XKR5: variants seen among roughly 807,000 people sequenced by gnomAD.
The protein encoded by XKR5 is XK related 5.
A neutral mutation model predicts 40.8 loss-of-function variants in XKR5; 46 were observed. That is an observed-to-expected ratio of 1.13 (90% CI 0.89 to 1.44). XKR5 has a LOEUF of 1.44. Ranked by LOEUF, XKR5 falls within the 40% of genes most tolerant of loss-of-function variation. XKR5 has a pLI of 0.00. For missense variants in XKR5, 1,169 were observed against 844.7 expected (o/e 1.38, Z -4.76); for synonymous variants, 466 against 356.1 (o/e 1.31, Z -3.48).
chr8:6,832,993 T>C, intron 1 of XKR5, 93 bp from the exon 2 acceptor site: 1 of 1,179,042 alleles, frequency 8.5e-7, no homozygotes, highest in Non-Finnish European at 1.1e-6. Flanking sequence ...TTCTGGATGT[T>C]ATGATGTTCT....
At chr8:6,821,773 T>C (rs1050971894) in intron 5 of XKR5, 96 bp downstream of exon 5, 24 of 1,069,278 alleles carry the variant, frequency 2.2e-5, no homozygotes, top group Non-Finnish European at 2.5e-5. Flanking sequence ...TAGGTGTGCA[T>C]TGGTGCACAC....
chr8:6,833,851 C>G (rs2117126361), intron 1 of XKR5, among the ~76,000 whole-genome samples: 1 of 152,336 alleles, frequency 6.6e-6, no homozygotes, highest in East Asian at 1.9e-4. Flanking sequence ...TCAGGGCTTT[C>G]CAGAGCTGTT....
At chr8:6,825,782 AG>A (rs1348502905) in intron 2 of XKR5, among the ~76,000 whole-genome samples, 4 of 152,196 alleles carry the variant, frequency 2.6e-5, no homozygotes, top group Non-Finnish European at 5.9e-5. Context: ...GACAAAAAGT[AG>A]AAAAAACCCT....
chr8:6,832,422 G>C (rs944261234), intron 2 of XKR5, among the ~76,000 whole-genome samples: 2 of 152,144 alleles, frequency 1.3e-5, no homozygotes, highest in Non-Finnish European at 2.9e-5. Flanking sequence ...TGGAACTAAC[G>C]GCTCAACCAA....
At chr8:6,817,880 G>T (rs1421658470) in intron 5 of XKR5, among the ~76,000 whole-genome samples, 1 of 152,170 alleles carries the variant, frequency 6.6e-6, no homozygotes, top group Non-Finnish European at 1.5e-5. Flanking sequence ...TGAGAAATTT[G>T]TTTCTGCTCC....
chr8:6,821,936 A>G lies in XKR5; in HGVS notation c.740T>C (p.Val247Ala). ...GAAGCTGAGGTAGCAGAGGATGTAC[A>G]CGGCCCCCACGAGCAGGTTGAACAG... ...WRLFNLLVGA[V>A]YILCYLSFWD... is the part of the protein sequence containing the mutation. The change falls in exon 5 of 7, where the codon GTG becomes GCG. Residue 247 changes from valine (V) to alanine (A), a missense_variant. By Grantham distance (64) the Val-to-Ala change is moderately conservative (BLOSUM62 0). Coordinates refer to ENST00000618742, the MANE Select transcript of XKR5 (RefSeq NM_207411.5). The G allele has an allele frequency of 6.2e-7, 1 of 1,613,158 alleles. No homozygotes were observed. Among genetic ancestry groups the G allele is most frequent in the Non-Finnish European group, 8.5e-7 (1 of 1,179,538 alleles).
At position 6,811,632 on chromosome 8, in the gene XKR5, A is replaced by G; in HGVS notation, c.1627T>C (p.Tyr543His). 1 of 1,537,456 alleles carries G rather than the reference A, an allele frequency of 6.5e-7. No individual in the cohort carries two copies. The highest frequency in any genetic ancestry group is 8.7e-7 in the Non-Finnish European group (1 of 1,146,958). ...GGEGQQSSTL[Y>H]FSATAEVATS... The stretch of plus-strand genomic sequence containing the variant: ...GCCACTTCTGCAGTGGCGCTGAAGT[A>G]CAACGTGGAACTCTGCTGTCCTTCC... The change falls in exon 7 of 7, where the codon TAC becomes CAC. Residue 543 changes from tyrosine (Y) to histidine (H), a missense_variant. Physicochemically the swap from Tyr to His is moderately conservative, Grantham distance 83. Coordinates refer to ENST00000618742, the MANE Select transcript of XKR5 (RefSeq NM_207411.5).
Position 6,816,018 on chromosome 8 carries a change from T to A in XKR5, c.808-100A>T, listed in dbSNP as rs975797431. 3 of 832,038 alleles carry A rather than the reference T, an allele frequency of 3.6e-6. No individual in the cohort carries two copies. The Admixed American group carries it at 6.5e-5, about 18-fold the overall frequency. 51.5% of individuals were successfully genotyped at this position (832,038 alleles called of 1,614,324 possible). A position where few individuals can be genotyped will look rare whatever the true frequency, so the allele number is the denominator to read the frequency against. ...CAGCGGCTCCCCCTCCCCTCCATCC[T>A]GAGTGCCCACTGGAGACTCCAGGCT... On this transcript the variant is annotated intron_variant, in intron 5 of 6. Transcript: ENST00000618742.
chr8:6,813,584 C>A (rs967210719), intron 6 of XKR5, among the ~76,000 whole-genome samples: 3 of 152,168 alleles, frequency 2.0e-5, no homozygotes, highest in Non-Finnish European at 4.4e-5. Context: ...AATTTGGGTT[C>A]AATCTTCCTG....
intron 5 of XKR5, among the ~76,000 whole-genome samples, chr8:6,817,501 C>G (rs574193596): frequency 1.6e-4 from 24 of 152,058 alleles, no homozygotes; most frequent in Admixed American, 3.9e-4. Flanking sequence ...TTCCCCTTAC[C>G]TCCCCACACC....
Position 6,811,783 on chromosome 8 carries a change from G to T in XKR5, c.1476C>A (p.Ser492Arg), listed in dbSNP as rs745671079. Residue 492 changes from serine to arginine, a missense_variant, in exon 7 of 7, where the codon AGC becomes AGA. Coordinates refer to ENST00000618742, the MANE Select transcript of XKR5 (RefSeq NM_207411.5). ...GGGTAGGTGCTTCATCCTGCTGATC[G>T]CTGGCAAAAGATACGTAACTTGAGG... is the stretch of plus-strand genomic sequence containing the variant. ...LETSSYVSFA[S>R]DQQDEAPTQN... 3 of 1,537,630 alleles carry T rather than the reference G, an allele frequency of 2.0e-6. No homozygotes were observed. Among genetic ancestry groups the T allele is most frequent in the South Asian group, 2.4e-5 (2 of 84,058 alleles).
intron 2 of XKR5, among the ~76,000 whole-genome samples, chr8:6,830,738 T>C (rs1386382359): frequency 6.6e-6 from 1 of 152,252 alleles, no homozygotes; most frequent in Non-Finnish European, 1.5e-5. Context: ...ATAATTTTCA[T>C]GTATCTCTTC....
At position 6,814,251 on chromosome 8, in the gene XKR5, C is replaced by T. The variant is rs562009935; in HGVS notation, c.919+1556G>A. On this transcript the variant is annotated intron_variant, in intron 6 of 6. Coordinates refer to ENST00000618742, the MANE Select transcript of XKR5 (RefSeq NM_207411.5). ...TAAAAAGGATGAACCAGATGCCCGT[C>T]CATGGGTCGACGATGAAACAAGCTG... Among the ~76,000 whole-genome samples, 3 of 152,320 alleles carry T rather than the reference C, an allele frequency of 2.0e-5. No individual in the cohort carries two copies. The South Asian group carries it at 6.2e-4, about 32-fold the overall frequency.
rs1334346180 is a variant in XKR5 at position 6,811,445 on chromosome 8, C to T, written c.1814G>A (p.Gly605Asp). 1 of 1,535,922 alleles carries T rather than the reference C, an allele frequency of 6.5e-7. No individual in the cohort carries two copies. ...MADISPILGT[G>D]PCRGFCPSAG... ...ACTGGGGCAGAAGCCTCTACATGGGCCTGTGCCTAGGATGGGGCTAATGTC... is the reference window on the plus strand; with the variant it reads ...ACTGGGGCAGAAGCCTCTACATGGGTCTGTGCCTAGGATGGGGCTAATGTC... Residue 605 changes from glycine (G) to aspartate (D), a missense_variant, in exon 7 of 7, where the codon GGC becomes GAC. Transcript: ENST00000618742.
rs886291349 is a variant in XKR5 at position 6,810,026 on chromosome 8, T to A, written c.*1172A>T. The A allele has an allele frequency of 6.6e-6, 1 of 152,166 alleles. No homozygotes were observed. Among genetic ancestry groups the A allele is most frequent in the African/African-American group, 2.4e-5 (1 of 41,402 alleles). The allele number at this position is 152,166 out of a possible 1,614,324, so 9.4% of individuals were successfully genotyped here. A position where few individuals can be genotyped will look rare whatever the true frequency, so the allele number is the denominator to read the frequency against. ...TACTCGAGAGGCTGAGGTGAGAGGA[T>A]TGCTTAAGCCCTGGAGGTTGAGGCT... On this transcript the variant is annotated 3_prime_UTR_variant, in exon 7 of 7. Transcript: ENST00000618742.
rs779088045 is a variant in XKR5, at chr8:6,823,750, A to T, written c.428-20T>A. 1.3e-6 allele frequency: 2 copies of T among 1,544,628 alleles called. No individual in the cohort carries two copies. The highest frequency in any genetic ancestry group is 2.7e-5 in the African/African-American group (2 of 73,042). The stretch of plus-strand genomic sequence containing the variant: ...TCACCCCTGAAAGGGAAGCAGAAAG[A>T]TGTGGTATGCTCTGAAGATTCCGAA... On this transcript the variant is annotated intron_variant, in intron 3 of 6. Transcript: ENST00000618742.
rs140167034 is a variant in XKR5 at position 6,834,555 on chromosome 8, G to C, written c.58+881C>G. Reference sequence around the variant, plus strand: ...CCTTCCAGTCCGGGGCGCGGAGCCAGGGCGCTTGCGCGTCCTCCGTGTGCG... The same window carrying C: ...CCTTCCAGTCCGGGGCGCGGAGCCACGGCGCTTGCGCGTCCTCCGTGTGCG... On this transcript the variant is annotated intron_variant, in intron 1 of 6. Coordinates refer to ENST00000618742, the MANE Select transcript of XKR5 (RefSeq NM_207411.5). Among the ~76,000 whole-genome samples the C allele has an allele frequency of 7.2e-3, 1,092 of 152,346 alleles. 16 individuals are homozygous for C. Among genetic ancestry groups the C allele is most frequent in the African/African-American group, 0.024 (1,010 of 41,588 alleles).
At chr8:6,831,685 G>T (rs1481801738) in intron 2 of XKR5, among the ~76,000 whole-genome samples, 3 of 151,938 alleles carry the variant, frequency 2.0e-5, no homozygotes, top group Non-Finnish European at 2.9e-5. Flanking sequence ...GAGCTGCAGG[G>T]CTTCACCGCT....
chr8:6,831,219 A>T (rs549294322), intron 2 of XKR5, among the ~76,000 whole-genome samples: 3,346 of 152,292 alleles, frequency 0.022, 55 homozygotes, highest in Middle Eastern at 0.041. Context: ...AATGGCAGCT[A>T]GGGCACAGGA....
Sources: allele counts gnomAD v4.1 joint callset (sites outside exome capture counted in the v4.1 genomes callset), GRCh38; gene constraint gnomAD v4.1.1; transcripts MANE v1.5; gene names NCBI Gene and HGNC (gene_info 2026-07-23, HGNC 2026-07-21).